The following KCNH1 variants were observed in gnomAD, a reference collection of about 807,000 sequenced individuals.
The protein encoded by KCNH1 is voltage-gated delayed rectifier potassium channel KCNH1.
Under a neutral mutation model 69.2 loss-of-function variants are expected in KCNH1, and 27 were observed. The ratio of observed to expected loss-of-function variants is 0.39; its 90% CI spans 0.29 to 0.54. The LOEUF (loss-of-function observed/expected upper bound fraction) is 0.54. Ranked by LOEUF, KCNH1 falls within the 20% of genes least tolerant of loss-of-function variation. The pLI is 0.68. For synonymous variants in KCNH1, 456 were observed against 487.7 expected (o/e 0.93, Z 0.86); for missense variants, 798 against 1,261.6 (o/e 0.63, Z 5.57).
chr1:210,996,014 T>G (rs1229619033), intron 6 of KCNH1, among the ~76,000 whole-genome samples: 2 of 152,190 alleles, frequency 1.3e-5, no homozygotes, highest in Non-Finnish European at 2.9e-5. Context: ...GCAGCCAAGA[T>G]GGCCGAATAG....
chr1:210,883,946 C>A (rs770129616), intron 7 of KCNH1, among the ~76,000 whole-genome samples: 2 of 152,226 alleles, frequency 1.3e-5, no homozygotes, highest in African/African-American at 2.4e-5. Flanking sequence ...TGGTCTGAGG[C>A]AAACCTCTTC....
chr1:211,100,890 A>C lies in KCNH1; in HGVS notation c.310+2606T>G, dbSNP rs558842116. Among the ~76,000 whole-genome samples the C allele has an allele frequency of 9.2e-5, 14 of 152,326 alleles. No homozygotes were observed. In the South Asian group the frequency reaches 2.5e-3, roughly 27 times the overall value. ...ATCCTTTGCTAGACCCTCTACATAG[A>C]AATACACATTTCCATTCACTGGTGA... is the stretch of plus-strand genomic sequence containing the variant. On this transcript the variant is annotated intron_variant, in intron 3 of 10. Coordinates refer to ENST00000271751, the MANE Select transcript of KCNH1 (RefSeq NM_172362.3).
At chr1:210,760,996 T>C (rs1683505466) in intron 10 of KCNH1, among the ~76,000 whole-genome samples, 1 of 152,058 alleles carries the variant, frequency 6.6e-6, no homozygotes, top group African/African-American at 2.4e-5. Context: ...CTCACGCCTG[T>C]AATCCCAGCA....
rs562650325 is a variant in KCNH1, at chr1:211,034,211, A to C, written c.559-14955T>G. 3.9e-5 allele frequency among the ~76,000 whole-genome samples: 6 copies of C among 152,292 alleles called. No homozygotes were observed. The South Asian group carries it at 1.2e-3, about 32-fold the overall frequency. ...ATATCCTTCAACAGATAAATGGTTA[A>C]ACTGTGTTGCTTCTATATATATCAT... On this transcript the variant is annotated intron_variant, in intron 5 of 10. Coordinates refer to ENST00000271751, the MANE Select transcript of KCNH1 (RefSeq NM_172362.3).
At chr1:211,072,959 CAACTA>C (rs1690673762) in intron 5 of KCNH1, among the ~76,000 whole-genome samples, 1 of 152,082 alleles carries the variant, frequency 6.6e-6, no homozygotes, top group Non-Finnish European at 1.5e-5. Context: ...AAACAAGACC[CAACTA>C]TATGTCGTCT....
At chr1:211,104,331 T>C (rs1455081608) in intron 2 of KCNH1, among the ~76,000 whole-genome samples, 1 of 152,154 alleles carries the variant, frequency 6.6e-6, no homozygotes, top group Non-Finnish European at 1.5e-5. Flanking sequence ...CTGGTAAAGA[T>C]GGCTGAGTAA....
At chr1:210,715,641 C>A (rs1682212059) in intron 10 of KCNH1, among the ~76,000 whole-genome samples, 2 of 152,104 alleles carry the variant, frequency 1.3e-5, no homozygotes, top group Non-Finnish European at 2.9e-5. Context: ...CCATCAAGAG[C>A]TAATTGTTAT....
At chr1:210,758,859 T>A (rs1021731600) in intron 10 of KCNH1, among the ~76,000 whole-genome samples, 1 of 152,204 alleles carries the variant, frequency 6.6e-6, no homozygotes, top group Non-Finnish European at 1.5e-5. Flanking sequence ...TTGCTTTTCA[T>A]GCTTCTCCCT....
At chr1:210,883,905 G>C (rs1006757125) in intron 7 of KCNH1, among the ~76,000 whole-genome samples, 2 of 152,202 alleles carry the variant, frequency 1.3e-5, no homozygotes, top group African/African-American at 4.8e-5. Flanking sequence ...GATTAAACTT[G>C]GATGGTGAAA....
At chr1:210,935,624 G>C (rs1687763514) in intron 6 of KCNH1, among the ~76,000 whole-genome samples, 1 of 152,104 alleles carries the variant, frequency 6.6e-6, no homozygotes, top group Non-Finnish European at 1.5e-5. Context: ...AAAAATGAAC[G>C]GTTATGTGCC....
chr1:211,112,501 T>TAAAAAAAAAAAA (rs74258707), intron 1 of KCNH1, among the ~76,000 whole-genome samples: 3 of 126,460 alleles, frequency 2.4e-5, no homozygotes, highest in African/African-American at 2.7e-5. Flanking sequence ...ATTAAATAAA[T>TAAAAAAAAAAAA]AAAAAAAAAA....
intron 3 of KCNH1, among the ~76,000 whole-genome samples, chr1:211,092,897 T>G (rs755699142): frequency 7.9e-5 from 12 of 152,060 alleles, no homozygotes; most frequent in Non-Finnish European, 1.8e-4. Context: ...TGCTAATTAC[T>G]CCCCACTTAA....
At chr1:211,118,585 T>A (rs1314246096) in intron 1 of KCNH1, among the ~76,000 whole-genome samples, 1 of 152,196 alleles carries the variant, frequency 6.6e-6, no homozygotes, top group Non-Finnish European at 1.5e-5. Flanking sequence ...ATAGTTTTCC[T>A]CTGGTTCATA....
At chr1:210,772,990 G>A (rs1318497870) in intron 10 of KCNH1, among the ~76,000 whole-genome samples, 1 of 151,912 alleles carries the variant, frequency 6.6e-6, no homozygotes, top group South Asian at 2.1e-4. Context: ...TTTAAAGACA[G>A]ATTTACTTGA....
intron 7 of KCNH1, chr1:210,859,351 A>C: frequency 6.5e-7 from 1 of 1,529,900 alleles, no homozygotes; most frequent in South Asian, 1.1e-5. Context: ...ACCATGAGTC[A>C]GACCCTGATC....
chr1:210,836,579 A>G (rs4113643), intron 7 of KCNH1, among the ~76,000 whole-genome samples: 13,745 of 152,242 alleles, frequency 0.09, 673 homozygotes, highest in Non-Finnish European at 0.11. Context: ...GACTACAGCC[A>G]TGCTAAACAG....
intron 10 of KCNH1, among the ~76,000 whole-genome samples, chr1:210,702,615 C>T (rs1193219773): frequency 6.6e-6 from 1 of 152,096 alleles, no homozygotes; most frequent in African/African-American, 2.4e-5. Context: ...CTTGCATTAT[C>T]TCTACAGTCA....
At chr1:210,853,915 T>C (rs116382561) in intron 7 of KCNH1, among the ~76,000 whole-genome samples, 1 of 105,724 alleles carries the variant, frequency 9.5e-6, no homozygotes, top group African/African-American at 3.9e-5. Context: ...GACATTTTAA[T>C]ATGCCTAGCA....
intron 6 of KCNH1, among the ~76,000 whole-genome samples, chr1:210,991,702 C>T (rs1571558378): frequency 6.6e-6 from 1 of 151,970 alleles, no homozygotes; most frequent in Middle Eastern, 3.4e-3. Context: ...ATTTAATCAT[C>T]CCACAATGAT....
Sources: gnomAD v4.1 joint callset for allele counts (sites outside exome capture counted in the v4.1 genomes callset) on GRCh38, gnomAD v4.1.1 for gene constraint, MANE v1.5 for transcripts, NCBI Gene and HGNC (gene_info 2026-07-23, HGNC 2026-07-21) for gene names.